Variants in PRDM6 observed in about 807,000 individuals in gnomAD.
PRDM6 encodes PR/SET domain 6.
PRDM6 carries 25 observed loss-of-function variants against 60.8 expected under a neutral mutation model. The observed-to-expected ratio is 0.41, with a 90% CI of 0.30 to 0.57. PRDM6 has a LOEUF of 0.57. Ranked by LOEUF, PRDM6 falls within the 20% of genes least tolerant of loss-of-function variation. The pLI, the probability that PRDM6 is intolerant of heterozygous loss-of-function variation, is 0.27. For missense variants in PRDM6, 839 were observed against 821.3 expected, an observed-to-expected ratio of 1.02 and a Z score of -0.26; for synonymous variants, 407 against 357.4, an observed-to-expected ratio of 1.14 and a Z score of -1.57.
intron 6 of PRDM6, among the ~76,000 whole-genome samples, chr5:123,177,887 G>A (rs1477257012): frequency 2.0e-5 from 3 of 152,062 alleles, no homozygotes; most frequent in Non-Finnish European, 4.4e-5. Context: ...CAGAGTCAGG[G>A]GTCCTATCTC....
intron 7 of PRDM6, among the ~76,000 whole-genome samples, 159 bp downstream of exon 7, chr5:123,180,482 A>G (rs914862208): frequency 1.4e-4 from 21 of 152,270 alleles, no homozygotes; most frequent in African/African-American, 4.8e-4. Context: ...TTAGTGGCTG[A>G]CATTTGAAAA....
chr5:123,101,746 G>A (rs1187001536), intron 3 of PRDM6, among the ~76,000 whole-genome samples: 1 of 152,124 alleles, frequency 6.6e-6, no homozygotes, highest in Non-Finnish European at 1.5e-5. Flanking sequence ...CCCCCCAGAA[G>A]GCTTTGAATG....
chr5:123,092,758 G>A (rs890649481), intron 2 of PRDM6, among the ~76,000 whole-genome samples: 12 of 152,144 alleles, frequency 7.9e-5, no homozygotes, highest in Non-Finnish European at 4.4e-5. Flanking sequence ...AAGGGCAATT[G>A]AGAAAGAAAA....
intron 2 of PRDM6, among the ~76,000 whole-genome samples, chr5:123,096,467 G>A (rs1763962206): frequency 6.6e-6 from 1 of 152,170 alleles, no homozygotes; most frequent in Non-Finnish European, 1.5e-5. Flanking sequence ...CTGAGACTCA[G>A]ACATAAGTTA....
intron 2 of PRDM6, among the ~76,000 whole-genome samples, chr5:123,093,272 G>T (rs868273687): frequency 1.1e-4 from 17 of 152,242 alleles, no homozygotes; most frequent in Middle Eastern, 3.4e-3. Context: ...GGCGGGATGC[G>T]GGGGTGCCTC....
intron 3 of PRDM6, among the ~76,000 whole-genome samples, chr5:123,117,950 C>T (rs1279870087): frequency 6.6e-6 from 1 of 152,162 alleles, no homozygotes; most frequent in Non-Finnish European, 1.5e-5. Flanking sequence ...ATGTGCCAGG[C>T]ACTTTAAAGG....
intron 6 of PRDM6, among the ~76,000 whole-genome samples, chr5:123,174,747 T>A (rs1765966611): frequency 6.6e-6 from 1 of 152,146 alleles, no homozygotes; most frequent in South Asian, 2.1e-4. Context: ...TTATTTTTTT[T>A]AACCACTGTG....
At chr5:123,171,668 A>G (rs752719203) in intron 6 of PRDM6, among the ~76,000 whole-genome samples, 8 of 152,180 alleles carry the variant, frequency 5.3e-5, no homozygotes, top group Non-Finnish European at 7.3e-5. Flanking sequence ...TCAATAAACT[A>G]ATATCCACAC....
At position 123,099,862 on chromosome 5, in the gene PRDM6, G is replaced by T; in HGVS notation, c.801G>T (p.Arg267Ser). The T allele has an allele frequency of 6.4e-7, 1 of 1,550,570 alleles. No homozygotes were observed. Among genetic ancestry groups the T allele is most frequent in the South Asian group, 1.2e-5 (1 of 83,884 alleles). Residue 267 changes from arginine (R) to serine (S), a missense_variant, in exon 3 of 8, where the codon AGG (arginine) becomes AGT (serine). By Grantham distance (110) the Arg-to-Ser change is moderately radical (BLOSUM62 -1). Coordinates refer to ENST00000407847, the MANE Select transcript of PRDM6 (RefSeq NM_001136239.4). This position sits in a 1 kb window ranked among gnomAD's most constrained non-coding sequence, Gnocchi z 4.0. ...CCTACGGCATCTGCGCGGCGCAGAG[G>T]ATCCAGCAAGGCACCTGGATTGGAC... The part of the protein sequence containing the change: ...GLAYGICAAQ[R>S]IQQGTWIGPF...
At chr5:123,093,134 T>C (rs1763879149) in intron 2 of PRDM6, among the ~76,000 whole-genome samples, 1 of 152,214 alleles carries the variant, frequency 6.6e-6, no homozygotes, top group South Asian at 2.1e-4. Context: ...TCTTTTAGTT[T>C]TTTTACCATC....
intron 3 of PRDM6, among the ~76,000 whole-genome samples, chr5:123,100,833 C>G (rs163188): frequency 0.13 from 19,409 of 152,226 alleles, 1,469 homozygotes; most frequent in East Asian, 0.27. Flanking sequence ...AGATGCCTAT[C>G]ATTAGGTCAT....
At chr5:123,129,994 C>T (rs944646957) in intron 3 of PRDM6, among the ~76,000 whole-genome samples, 4 of 148,990 alleles carry the variant, frequency 2.7e-5, no homozygotes, top group African/African-American at 9.9e-5. Flanking sequence ...ACTTTCCCTT[C>T]CCATTTCCCT....
chr5:123,128,277 T>A (rs1764740014), intron 3 of PRDM6, among the ~76,000 whole-genome samples: 1 of 152,244 alleles, frequency 6.6e-6, no homozygotes, highest in South Asian at 2.1e-4. Context: ...CCTTTGGGTA[T>A]ATACCCAGTA....
chr5:123,185,748 C>T (rs1766273682), intron 7 of PRDM6, among the ~76,000 whole-genome samples: 1 of 152,182 alleles, frequency 6.6e-6, no homozygotes, highest in Non-Finnish European at 1.5e-5. Context: ...CAAAAACATG[C>T]AAGAATTCCC....
intron 3 of PRDM6, among the ~76,000 whole-genome samples, chr5:123,145,335 G>C (rs890102751): frequency 3.9e-5 from 6 of 152,190 alleles, no homozygotes; most frequent in Admixed American, 6.5e-5. Context: ...TAAATTACTT[G>C]AGGGCAGGGA....
intron 3 of PRDM6, among the ~76,000 whole-genome samples, chr5:123,103,918 A>G (rs1207978920): frequency 6.6e-6 from 1 of 152,102 alleles, no homozygotes; most frequent in African/African-American, 2.4e-5. Context: ...GAAATAATGT[A>G]GTGACTTGTT....
chr5:123,163,328 CT>C lies in PRDM6; in HGVS notation c.1153+3696del, dbSNP rs1255592183. Among the ~76,000 whole-genome samples the C allele has an allele frequency of 4.6e-5, 7 of 152,278 alleles. No homozygotes were observed. In the East Asian group the frequency reaches 1.2e-3, roughly 25 times the overall value. On this transcript the variant is annotated intron_variant, in intron 5 of 7. Coordinates refer to ENST00000407847, the MANE Select transcript of PRDM6 (RefSeq NM_001136239.4). ...AGCACTTTCACTTATAAAAATATAA[CT>C]TTTTTCCCATGGTTCTTTCAACATT...
intron 3 of PRDM6, among the ~76,000 whole-genome samples, chr5:123,154,102 GT>G (rs1765438534): frequency 6.6e-6 from 1 of 151,472 alleles, no homozygotes; most frequent in Non-Finnish European, 1.5e-5. Flanking sequence ...GTCAACAACA[GT>G]TTCAGAGTTG....
At chr5:123,102,315 T>C (rs546595644) in intron 3 of PRDM6, among the ~76,000 whole-genome samples, 4 of 152,300 alleles carry the variant, frequency 2.6e-5, no homozygotes, top group Non-Finnish European at 5.9e-5. Flanking sequence ...ATATAGAATA[T>C]GAGTTTAAAA....
Sources: allele counts gnomAD v4.1 joint callset (sites outside exome capture counted in the v4.1 genomes callset), GRCh38; gene constraint gnomAD v4.1.1; non-coding constraint Gnocchi (gnomAD v3.1); transcripts MANE v1.5; gene names NCBI Gene and HGNC (gene_info 2026-07-23, HGNC 2026-07-21).